The following ZEB1 variants were observed in gnomAD, a reference collection of about 807,000 sequenced individuals.
ZEB1 encodes the protein zinc finger E-box binding homeobox 1, also known as zinc finger E-box-binding homeobox 1.
ZEB1 carries 21 observed loss-of-function variants against 84.9 expected under a neutral mutation model. That is an observed-to-expected ratio of 0.25 (90% CI 0.18 to 0.36). The LOEUF (loss-of-function observed/expected upper bound fraction) is 0.36. Ranked by LOEUF, ZEB1 falls within the 10% of genes least tolerant of loss-of-function variation. The probability of loss-of-function intolerance (pLI) is 1.00; values close to 1 mark genes in which losing one functional copy is unlikely to be tolerated. For missense variants in ZEB1, 1,104 were observed against 1,330.2 expected (o/e 0.83, Z 2.65); for synonymous variants, 420 against 471.1 (o/e 0.89, Z 1.41).
intron 1 of ZEB1, among the ~76,000 whole-genome samples, chr10:31,424,997 AT>A (rs919082818): frequency 5.3e-5 from 8 of 151,856 alleles, no homozygotes; most frequent in Admixed American, 2.0e-4. Flanking sequence ...ATACAATCAA[AT>A]TTTTTTTAAA....
Position 31,520,504 on chromosome 10 carries a change from T to C in ZEB1, c.1172T>C (p.Met391Thr). ...PLQATSSPQGMVQAVVLPTVG... is the reference protein window; with the variant it reads ...PLQATSSPQGTVQAVVLPTVG... The stretch of plus-strand genomic sequence containing the variant: ...CAGGCAACCAGTTCTCCTCAGGGCA[T>C]GGTGCAAGCTGTTGTTCTGCCAACA... Residue 391 changes from methionine (M) to threonine (T), a missense_variant, in exon 7 of 9, where the codon ATG becomes ACG. Met to Thr is a moderately conservative substitution (Grantham distance 81). Coordinates refer to ENST00000424869, the MANE Select transcript of ZEB1 (RefSeq NM_001174096.2). This position sits in a 1 kb window ranked among gnomAD's most constrained non-coding sequence, Gnocchi z 5.1. 6.2e-7 allele frequency: 1 copy of C among 1,613,700 alleles called. No homozygotes were observed. Among genetic ancestry groups the C allele is most frequent in the East Asian group, 2.2e-5 (1 of 44,864 alleles).
intron 1 of ZEB1, among the ~76,000 whole-genome samples, chr10:31,400,353 C>T (rs1194404985): frequency 6.6e-6 from 1 of 152,086 alleles, no homozygotes; most frequent in African/African-American, 2.4e-5. Context: ...CTCCTGGGAT[C>T]ATTGAATAAG....
chr10:31,520,845 A>C lies in ZEB1; in HGVS notation c.1513A>C (p.Lys505Gln). ...KENPVATNSC[K>Q]SEKLPEDLTV... ...AAATCCAGTCGCTACAAACAGTTGTAAAAGTGAAAAGTTACCAGAAGATCT... is the reference window on the plus strand; with the variant it reads ...AAATCCAGTCGCTACAAACAGTTGTCAAAGTGAAAAGTTACCAGAAGATCT... The change falls in exon 7 of 9, where the codon AAA becomes CAA. Residue 505 changes from lysine (K) to glutamine (Q), a missense_variant. By Grantham distance (53) the Lys-to-Gln change is moderately conservative. This residue lies in a region of ZEB1 where 531 missense variants were observed against 575.2 expected (regional missense o/e 0.92). Coordinates refer to ENST00000424869, the MANE Select transcript of ZEB1 (RefSeq NM_001174096.2). The surrounding 1 kb of genome is among the most constrained non-coding windows in gnomAD (Gnocchi z 5.1). 1 of 1,614,132 alleles carries C rather than the reference A, an allele frequency of 6.2e-7. No individual in the cohort carries two copies. The highest frequency in any genetic ancestry group is 8.5e-7 in the Non-Finnish European group (1 of 1,180,004).
chr10:31,504,956 C>T (rs2068725927), intron 4 of ZEB1, among the ~76,000 whole-genome samples: 1 of 152,052 alleles, frequency 6.6e-6, no homozygotes, highest in African/African-American at 2.4e-5. Flanking sequence ...TGCCCAATTG[C>T]TCTGGCTAGG....
At chr10:31,399,413 T>G (rs981733882) in intron 1 of ZEB1, among the ~76,000 whole-genome samples, 2 of 152,188 alleles carry the variant, frequency 1.3e-5, no homozygotes, top group African/African-American at 4.8e-5. Flanking sequence ...TTAATCAGCC[T>G]TGGTGTCACC....
intron 1 of ZEB1, among the ~76,000 whole-genome samples, chr10:31,414,094 T>A (rs1475164040): frequency 6.6e-6 from 1 of 152,258 alleles, no homozygotes; most frequent in African/African-American, 2.4e-5. Flanking sequence ...AGGTACAATC[T>A]TTTGCAAGTT....
intron 1 of ZEB1, among the ~76,000 whole-genome samples, chr10:31,398,515 G>GT (rs1320092950): frequency 6.6e-6 from 1 of 151,978 alleles, no homozygotes; most frequent in South Asian, 2.1e-4. Flanking sequence ...ATAATGTTGA[G>GT]TTTTTTCCCC....
At chr10:31,375,789 T>C (rs772295765) in intron 1 of ZEB1, among the ~76,000 whole-genome samples, 52 of 151,854 alleles carry the variant, frequency 3.4e-4, no homozygotes, top group Non-Finnish European at 6.9e-4. Flanking sequence ...AGTTATTGTT[T>C]ATAGATATGG....
In ZEB1 at chr10:31,454,704, G is replaced by A. The variant is rs368401610; in HGVS notation, c.59-6333G>A. Among the ~76,000 whole-genome samples the A allele has an allele frequency of 2.5e-4, 38 of 152,208 alleles. 1 individual carries two copies. The highest frequency in any genetic ancestry group is 8.2e-4 in the African/African-American group (34 of 41,526). On this transcript the variant is annotated intron_variant, in intron 1 of 8. Transcript: ENST00000424869. ...AAGTACCTAGGAATACAGCTTACAA[G>A]GGATGTGAAGGACCTCTTCAAGGAG... is the stretch of plus-strand genomic sequence containing the variant.
intron 1 of ZEB1, among the ~76,000 whole-genome samples, chr10:31,376,530 A>G (rs1590543018): frequency 6.6e-6 from 1 of 151,892 alleles, no homozygotes; most frequent in Admixed American, 6.6e-5. Context: ...AACGTCATTT[A>G]AGACAATTAT....
chr10:31,522,548 T>C (rs948547102), intron 7 of ZEB1, among the ~76,000 whole-genome samples: 19 of 152,200 alleles, frequency 1.2e-4, no homozygotes, highest in African/African-American at 3.6e-4. Flanking sequence ...ATTTTCCTCC[T>C]TAACTATCAC....
At chr10:31,430,846 T>C (rs1276008931) in intron 1 of ZEB1, among the ~76,000 whole-genome samples, 1 of 152,228 alleles carries the variant, frequency 6.6e-6, no homozygotes, top group African/African-American at 2.4e-5. Flanking sequence ...GAAGCTAGTG[T>C]AATATAAAGT....
At chr10:31,321,038 A>G (rs1589902505) in intron 1 of ZEB1, 1 of 643,854 alleles carries the variant, frequency 1.6e-6, no homozygotes. Context: ...ATGCGTCTAT[A>G]ATGGGACCGC....
intron 1 of ZEB1, among the ~76,000 whole-genome samples, chr10:31,364,442 G>A (rs1320286733): frequency 6.6e-6 from 1 of 152,162 alleles, no homozygotes; most frequent in Non-Finnish European, 1.5e-5. Context: ...GGCCGGCCCT[G>A]TCCCCCAGGT....
At chr10:31,357,280 G>C (rs1039402516) in intron 1 of ZEB1, among the ~76,000 whole-genome samples, 1 of 152,160 alleles carries the variant, frequency 6.6e-6, no homozygotes. Flanking sequence ...AGCCATCTGC[G>C]TGTGTATAAC....
chr10:31,390,200 A>T (rs767792303), intron 1 of ZEB1, among the ~76,000 whole-genome samples: 1 of 152,200 alleles, frequency 6.6e-6, no homozygotes, highest in Non-Finnish European at 1.5e-5. Context: ...TCGAAATTCA[A>T]ATTTGACTGG....
intron 1 of ZEB1, among the ~76,000 whole-genome samples, chr10:31,438,131 G>A (rs753788542): frequency 1.3e-5 from 2 of 152,174 alleles, no homozygotes; most frequent in South Asian, 2.1e-4. Flanking sequence ...GAAAGCGTGC[G>A]CTCTCCACGA....
chr10:31,406,621 A>C (rs2053114918), intron 1 of ZEB1, among the ~76,000 whole-genome samples: 1 of 152,130 alleles, frequency 6.6e-6, no homozygotes, highest in African/African-American at 2.4e-5. Context: ...GGTTGCAAAA[A>C]TCTTCTCCCA....
At chr10:31,434,479 CAT>C (rs1372814723) in intron 1 of ZEB1, among the ~76,000 whole-genome samples, 1 of 152,186 alleles carries the variant, frequency 6.6e-6, no homozygotes, top group Non-Finnish European at 1.5e-5. Context: ...ATTAAATAAA[CAT>C]ATATTTCACA....
Sources: allele counts gnomAD v4.1 joint callset (sites outside exome capture counted in the v4.1 genomes callset), GRCh38; gene constraint gnomAD v4.1.1; regional missense constraint gnomAD v4.1.1; non-coding constraint Gnocchi (gnomAD v3.1); transcripts MANE v1.5; gene names NCBI Gene and HGNC (gene_info 2026-07-23, HGNC 2026-07-21).